Variants in CASS4 observed in about 807,000 individuals in gnomAD.
CASS4 encodes cas scaffolding protein family member 4.
CASS4 carries 22 observed loss-of-function variants against 54.2 expected under a neutral mutation model. That is an observed-to-expected ratio of 0.41 (90% CI 0.29 to 0.58). CASS4 has a LOEUF of 0.58. CASS4 is among the 20% of genes least tolerant of loss of function. The pLI is 0.36. For missense variants in CASS4, 854 were observed against 986.7 expected (o/e 0.87, Z 1.80); for synonymous variants, 409 against 391.5 (o/e 1.04, Z -0.53).
At position 56,460,262 on chromosome 20, in the gene CASS4, T is replaced by C. The variant is rs1981539423; in HGVS notation, c.*1515T>C. On this transcript the variant is annotated 3_prime_UTR_variant, in exon 6 of 6. Transcript: ENST00000679887. ...AAAATTTTATATTTTGTCTCAAATC[T>C]GTTACAATTTATATTGGTTGGTGCA... 6.6e-6 allele frequency: 1 copy of C among 152,608 alleles called. No individual in the cohort carries two copies. 9.5% of individuals were successfully genotyped at this position (152,608 alleles called of 1,614,324 possible).
At chr20:56,442,329 CATTA>C (rs1339269493) in intron 2 of CASS4, among the ~76,000 whole-genome samples, 1 of 151,810 alleles carries the variant, frequency 6.6e-6, no homozygotes, top group Non-Finnish European at 1.5e-5. Flanking sequence ...CAGATGAGGA[CATTA>C]ATTCCCAGGG....
chr20:56,446,035 AC>A, intron 3 of CASS4, 34 bp downstream of exon 3: 1 of 1,423,756 alleles, frequency 7.0e-7, no homozygotes, highest in African/African-American at 1.4e-5. Flanking sequence ...CATCACCCAG[AC>A]CTCTGCGCCC....
At position 56,414,048 on chromosome 20, in the gene CASS4, G is replaced by A. The variant is rs1236537771; in HGVS notation, c.36+1554G>A. ...TCATTATGTGTCTCCTAAGAACAAGGACATTCATCTACAGAACGTAGAAGA... is the reference window on the plus strand; with the variant it reads ...TCATTATGTGTCTCCTAAGAACAAGAACATTCATCTACAGAACGTAGAAGA... On this transcript the variant is annotated intron_variant, in intron 1 of 5. Transcript: ENST00000679887. The surrounding 1 kb of genome is among the most constrained non-coding windows in gnomAD (Gnocchi z 4.1). Among the ~76,000 whole-genome samples the A allele has an allele frequency of 6.6e-6, 1 of 152,152 alleles. No individual in the cohort carries two copies. Among genetic ancestry groups the A allele is most frequent in the East Asian group, 1.9e-4 (1 of 5,196 alleles).
Position 56,437,059 on chromosome 20 carries a change from G to A in CASS4, c.37-105G>A, listed in dbSNP as rs1980207095. The A allele has an allele frequency of 3.0e-6, 3 of 1,001,268 alleles. No individual in the cohort carries two copies. The highest frequency in any genetic ancestry group is 4.4e-6 in the Non-Finnish European group (3 of 681,136). 62.0% of individuals were successfully genotyped at this position (1,001,268 alleles called of 1,614,324 possible). ...CTGGGGTGGAAGAAATGAAATGAAAGGGCATGATGAATTTGTATGAAGCTT... is the reference window on the plus strand; with the variant it reads ...CTGGGGTGGAAGAAATGAAATGAAAAGGCATGATGAATTTGTATGAAGCTT... On this transcript the variant is annotated intron_variant, in intron 1 of 5. Transcript: ENST00000679887. The surrounding 1 kb of genome is among the most constrained non-coding windows in gnomAD (Gnocchi z 4.7).
chr20:56,412,215 G>A (rs1030695868), upstream of CASS4: 17 of 517,036 alleles, frequency 3.3e-5, no homozygotes, highest in South Asian at 3.1e-4. The surrounding 1 kb of genome is among the most constrained non-coding windows in gnomAD (Gnocchi z 4.2). Context: ...GCATTGAGAC[G>A]TGAGTGTGGC....
Position 56,459,034 on chromosome 20 carries a change from A to G in CASS4, c.*287A>G, listed in dbSNP as rs1211374343. On this transcript the variant is annotated 3_prime_UTR_variant, in exon 6 of 6. Coordinates refer to ENST00000679887, the MANE Select transcript of CASS4 (RefSeq NM_020356.4). Reference sequence around the variant, plus strand: ...TGACTTCGCAGAAATAATATTTTATATTGATTAAATGTGTGCATGTTTTGT... The same window carrying G: ...TGACTTCGCAGAAATAATATTTTATGTTGATTAAATGTGTGCATGTTTTGT... 2.9e-6 allele frequency: 1 copy of G among 339,070 alleles called. No individual in the cohort carries two copies. Among genetic ancestry groups the G allele is most frequent in the African/African-American group, 2.0e-5 (1 of 49,104 alleles). 21.0% of individuals were successfully genotyped at this position (339,070 alleles called of 1,614,324 possible).
At position 56,412,582 on chromosome 20, in the gene CASS4, C is replaced by A; in HGVS notation, c.36+88C>A. On this transcript the variant is annotated intron_variant, in intron 1 of 5. Transcript: ENST00000679887. The surrounding 1 kb of genome is among the most constrained non-coding windows in gnomAD (Gnocchi z 4.2). ...GTTGACCAGCTTTAGTTGTGACTTTCTAATAAAGGTTGAATACCAGTGACG... is the reference window on the plus strand; with the variant it reads ...GTTGACCAGCTTTAGTTGTGACTTTATAATAAAGGTTGAATACCAGTGACG... 1 of 1,380,980 alleles carries A rather than the reference C, an allele frequency of 7.2e-7. No individual in the cohort carries two copies. Among genetic ancestry groups the A allele is most frequent in the South Asian group, 1.3e-5 (1 of 79,854 alleles). The allele number at this position is 1,380,980 out of a possible 1,614,324, so 85.5% of individuals were successfully genotyped here.
intron 3 of CASS4, among the ~76,000 whole-genome samples, chr20:56,446,626 T>C (rs979076508): frequency 4.6e-5 from 7 of 152,142 alleles, no homozygotes; most frequent in South Asian, 4.1e-4. Context: ...CTTTGCTCCT[T>C]TCTTAGCCCA....
intron 1 of CASS4, among the ~76,000 whole-genome samples, chr20:56,436,325 T>G (rs1391204734): frequency 2.7e-5 from 4 of 149,464 alleles, no homozygotes; most frequent in African/African-American, 1.0e-4. Context: ...ATATAATGGA[T>G]TGCTATATAT....
chr20:56,458,574 C>G lies in CASS4; in HGVS notation c.2188C>G (p.Arg730Gly), dbSNP rs746192245. The G allele has an allele frequency of 4.3e-6, 7 of 1,613,852 alleles. No homozygotes were observed. Among genetic ancestry groups the G allele is most frequent in the Non-Finnish European group, 5.9e-6 (7 of 1,179,942 alleles). ...LCMETQERDV[R>G]NEILRGSSHL... ...CATGGAGACCCAGGAGAGGGACGTG[C>G]GCAACGAGATCCTCCGTGGCAGCAG... Residue 730 changes from arginine (R) to glycine (G), a missense_variant, in exon 6 of 6, where the codon CGC becomes GGC. Physicochemically the swap from Arg to Gly is moderately radical, Grantham distance 125. Coordinates refer to ENST00000679887, the MANE Select transcript of CASS4 (RefSeq NM_020356.4).
intron 1 of CASS4, among the ~76,000 whole-genome samples, chr20:56,422,306 A>G (rs938650364): frequency 2.0e-5 from 3 of 152,222 alleles, no homozygotes; most frequent in African/African-American, 7.2e-5. Flanking sequence ...CACATCCATG[A>G]TAATCAATTA....
chr20:56,429,594 C>T (rs1979807670), intron 1 of CASS4, among the ~76,000 whole-genome samples: 3 of 152,128 alleles, frequency 2.0e-5, no homozygotes, highest in Admixed American at 2.0e-4. Flanking sequence ...TCCAACTTTC[C>T]ATGCGCCCCC....
At chr20:56,458,230 T>G in intron 5 of CASS4, 110 bp from the exon 6 acceptor site, 1 of 1,127,210 alleles carries the variant, frequency 8.9e-7, no homozygotes, top group Non-Finnish European at 1.3e-6. Flanking sequence ...CAAACCATGC[T>G]TTTTTAAAAA....
At chr20:56,440,879 G>A (rs1429732152) in intron 2 of CASS4, among the ~76,000 whole-genome samples, 1 of 152,052 alleles carries the variant, frequency 6.6e-6, no homozygotes, top group Non-Finnish European at 1.5e-5. Context: ...AACCCCCCAG[G>A]GGAATTTCCT....
In CASS4 at chr20:56,452,502, G is replaced by C; in HGVS notation, c.1326G>C (p.Glu442Asp). Residue 442 changes from glutamate to aspartate, a missense_variant, in exon 5 of 6, where the codon GAG (glutamate) becomes GAC (aspartate). By Grantham distance (45) the Glu-to-Asp change is conservative. Transcript: ENST00000679887. ...ELSLDLDVAK[E>D]TVMALQHKVV... The stretch of plus-strand genomic sequence containing the variant: ...CCTTGGACCTGGATGTGGCCAAGGA[G>C]ACAGTGATGGCTCTGCAGCACAAGG... The C allele has an allele frequency of 6.2e-7, 1 of 1,613,884 alleles. No homozygotes were observed. Among genetic ancestry groups the C allele is most frequent in the Non-Finnish European group, 8.5e-7 (1 of 1,179,846 alleles).
At chr20:56,454,989 G>A (rs1981223589) in intron 5 of CASS4, among the ~76,000 whole-genome samples, 1 of 152,174 alleles carries the variant, frequency 6.6e-6, no homozygotes, top group Non-Finnish European at 1.5e-5. Context: ...CAAGGTTGTT[G>A]TGGGTGGTAC....
intron 1 of CASS4, among the ~76,000 whole-genome samples, chr20:56,431,337 G>A (rs1419912131): frequency 6.6e-6 from 1 of 152,152 alleles, no homozygotes; most frequent in Non-Finnish European, 1.5e-5. Context: ...TTCGTCTTTT[G>A]TAACATTAAT....
intron 1 of CASS4, among the ~76,000 whole-genome samples, chr20:56,413,170 TA>T (rs879258639): frequency 2.8e-3 from 346 of 124,004 alleles, no homozygotes; most frequent in Middle Eastern, 0.013. Context: ...GACCCCATCT[TA>T]AAAAAAAAAA....
chr20:56,432,208 A>G (rs1005904347), intron 1 of CASS4, among the ~76,000 whole-genome samples: 3 of 152,180 alleles, frequency 2.0e-5, no homozygotes, highest in African/African-American at 7.2e-5. Context: ...AAGTCCTACA[A>G]GATAATAAAC....
Sources: gnomAD v4.1 joint callset for allele counts (sites outside exome capture counted in the v4.1 genomes callset) on GRCh38, gnomAD v4.1.1 for gene constraint, Gnocchi (gnomAD v3.1) non-coding constraint, MANE v1.5 for transcripts, NCBI Gene and HGNC (gene_info 2026-07-23, HGNC 2026-07-21) for gene names.